Variants in CSMD1 observed in about 807,000 individuals in gnomAD.
CSMD1 encodes the protein CUB and sushi domain-containing protein 1.
Under a neutral mutation model 417.5 loss-of-function variants are expected in CSMD1, and 213 were observed. The ratio of observed to expected loss-of-function variants is 0.51; its 90% confidence interval spans 0.46 to 0.57. The LOEUF is 0.57. Ranked by LOEUF, CSMD1 falls within the 20% of genes least tolerant of loss-of-function variation. CSMD1 has a pLI of 0.00. For missense variants in CSMD1, 6,923 were observed against 4,529.7 expected (o/e 1.53, Z -15.17); for synonymous variants, 2,862 against 1,736.8 (o/e 1.65, Z -16.11).
At chr8:4,055,993 G>C (rs2554526) in intron 3 of CSMD1, among the ~76,000 whole-genome samples, 99 of 150,512 alleles carry the variant, frequency 6.6e-4, no homozygotes, top group African/African-American at 2.4e-3. Context: ...AGAAGGCTCT[G>C]TTATGGAAAA....
intron 3 of CSMD1, among the ~76,000 whole-genome samples, chr8:4,209,556 G>T (rs1032292177): frequency 6.6e-6 from 1 of 152,148 alleles, no homozygotes; most frequent in Non-Finnish European, 1.5e-5. Flanking sequence ...CTGCCATGCT[G>T]CCTCTTCTGG....
intron 10 of CSMD1, among the ~76,000 whole-genome samples, chr8:3,512,549 A>C (rs1797120367): frequency 6.6e-6 from 1 of 151,558 alleles, no homozygotes; most frequent in African/African-American, 2.4e-5. Context: ...GTGAGTCCAC[A>C]GCAGCAGGAG....
At chr8:4,380,984 A>C (rs926919892) in intron 3 of CSMD1, among the ~76,000 whole-genome samples, 1 of 152,286 alleles carries the variant, frequency 6.6e-6, no homozygotes, top group African/African-American at 2.4e-5. Context: ...TGGGAAAAGA[A>C]AAAGCGTATC....
chr8:4,294,641 G>C (rs931086104), intron 3 of CSMD1, among the ~76,000 whole-genome samples: 15 of 152,016 alleles, frequency 9.9e-5, no homozygotes, highest in African/African-American at 3.4e-4. Context: ...TTGATAGAAA[G>C]TTATATTCAT....
intron 5 of CSMD1, among the ~76,000 whole-genome samples, chr8:3,854,839 G>T (rs1804183139): frequency 6.6e-6 from 1 of 152,008 alleles, no homozygotes; most frequent in African/African-American, 2.4e-5. Flanking sequence ...CAAAAACAGG[G>T]AATTGTTAAA....
At chr8:3,423,329 A>AT (rs1292335353) in intron 12 of CSMD1, among the ~76,000 whole-genome samples, 2 of 151,950 alleles carry the variant, frequency 1.3e-5, no homozygotes, top group Admixed American at 6.6e-5. Context: ...TTTTCAGTCC[A>AT]TTTTTTCTCC....
chr8:4,668,652 G>A (rs140797721), intron 1 of CSMD1, among the ~76,000 whole-genome samples: 4 of 151,644 alleles, frequency 2.6e-5, no homozygotes, highest in Non-Finnish European at 1.5e-5. Context: ...GGGTTTCATC[G>A]TGTTAGCCAG....
intron 9 of CSMD1, among the ~76,000 whole-genome samples, chr8:3,581,704 G>A (rs151009236): frequency 3.3e-5 from 5 of 152,268 alleles, no homozygotes; most frequent in East Asian, 3.9e-4. Flanking sequence ...TTTCATAGAC[G>A]GTTGAGTTGA....
intron 2 of CSMD1, among the ~76,000 whole-genome samples, chr8:4,576,432 T>A (rs935761872): frequency 6.6e-6 from 1 of 152,234 alleles, no homozygotes; most frequent in African/African-American, 2.4e-5. Context: ...CAAAATCCTC[T>A]TACAGTTTTT....
chr8:3,570,216 T>C (rs894948422), intron 10 of CSMD1, among the ~76,000 whole-genome samples: 1 of 152,224 alleles, frequency 6.6e-6, no homozygotes, highest in Non-Finnish European at 1.5e-5. Context: ...GATACTGTGA[T>C]TGGAATCACA....
At chr8:3,196,074 AG>A (rs1177931043) in intron 33 of CSMD1, among the ~76,000 whole-genome samples, 1 of 152,202 alleles carries the variant, frequency 6.6e-6, no homozygotes, top group Admixed American at 6.5e-5. Flanking sequence ...GACGCCGTAA[AG>A]AAGCCGGCCC....
At chr8:4,264,407 C>A (rs933486263) in intron 3 of CSMD1, among the ~76,000 whole-genome samples, 3 of 152,154 alleles carry the variant, frequency 2.0e-5, no homozygotes, top group African/African-American at 7.2e-5. Flanking sequence ...ACAGAGGTTG[C>A]ACATGTATCT....
chr8:3,108,956 A>G (rs7820030), intron 43 of CSMD1, among the ~76,000 whole-genome samples: 149,231 of 152,358 alleles, frequency 0.98, 73,101 homozygotes, highest in African/African-American at 0.99. Flanking sequence ...TTCCACAGGC[A>G]CTCGGCACTT....
chr8:4,805,900 TCAAA>T (rs2117307339), intron 1 of CSMD1, among the ~76,000 whole-genome samples: 2 of 152,276 alleles, frequency 1.3e-5, no homozygotes, highest in South Asian at 4.1e-4. Flanking sequence ...TCATGGTGAC[TCAAA>T]TGCGATGGCT....
intron 3 of CSMD1, among the ~76,000 whole-genome samples, chr8:4,104,573 A>G (rs1350659469): frequency 6.6e-6 from 1 of 152,208 alleles, no homozygotes; most frequent in African/African-American, 2.4e-5. Context: ...TAAACTGTAA[A>G]TAAATGAATT....
At chr8:3,899,494 G>C (rs1263444451) in intron 5 of CSMD1, among the ~76,000 whole-genome samples, 1 of 152,034 alleles carries the variant, frequency 6.6e-6, no homozygotes, top group Non-Finnish European at 1.5e-5. Context: ...AACTAGACCT[G>C]GAAGGACCCT....
At chr8:2,996,288 G>C (rs1462111089) in intron 54 of CSMD1, among the ~76,000 whole-genome samples, 1 of 152,090 alleles carries the variant, frequency 6.6e-6, no homozygotes, top group East Asian at 1.9e-4. Context: ...AATTTACCAT[G>C]TTAAAACATA....
At chr8:4,133,702 A>G (rs990814803) in intron 3 of CSMD1, among the ~76,000 whole-genome samples, 1 of 8,696 alleles carries the variant, frequency 1.1e-4, no homozygotes, top group African/African-American at 1.2e-4. Flanking sequence ...ACCATAATAC[A>G]TAAAGTGTAA....
Position 2,936,461 on chromosome 8 carries a change from A to G in CSMD1, c.*2124T>C, listed in dbSNP as rs572299607. On this transcript the variant is annotated 3_prime_UTR_variant, in exon 70 of 70. Coordinates refer to ENST00000635120, the MANE Select transcript of CSMD1 (RefSeq NM_033225.6). The stretch of plus-strand genomic sequence containing the variant: ...GCACACGAGCCTCCTCACACTTTCA[A>G]TCATCTTCTGTTTCGTTCAATGTGT... The G allele has an allele frequency of 7.3e-5, 11 of 151,358 alleles. No individual in the cohort carries two copies. Among genetic ancestry groups the G allele is most frequent in the South Asian group, 6.3e-4 (3 of 4,756 alleles). The allele number at this position is 151,358 out of a possible 1,614,324, so 9.4% of individuals were successfully genotyped here.
Sources: allele counts gnomAD v4.1 joint callset (sites outside exome capture counted in the v4.1 genomes callset), GRCh38; gene constraint gnomAD v4.1.1; transcripts MANE v1.5; gene names NCBI Gene and HGNC (gene_info 2026-07-23, HGNC 2026-07-21).